The following SEMA3A variants were observed in gnomAD, a reference collection of about 807,000 sequenced individuals.
SEMA3A encodes semaphorin-3A.
A neutral mutation model predicts 97.9 loss-of-function variants in SEMA3A; 29 were observed. The ratio of observed to expected loss-of-function variants is 0.30; its 90% CI spans 0.22 to 0.40. The LOEUF (loss-of-function observed/expected upper bound fraction) is 0.40. Ranked by LOEUF, SEMA3A falls within the 10% of genes least tolerant of loss-of-function variation. The pLI is 1.00. For missense variants in SEMA3A, 763 were observed against 951.3 expected (o/e 0.80, Z 2.60); for synonymous variants, 321 against 323.7 (o/e 0.99, Z 0.09).
At chr7:84,195,985 C>T (rs769901096), upstream of SEMA3A, among the ~76,000 whole-genome samples, 9 of 152,132 alleles carry the variant, frequency 5.9e-5, no homozygotes, top group Non-Finnish European at 7.4e-5. Flanking sequence ...TCTCAATTTT[C>T]TCTCTTATTT....
At chr7:83,996,298 A>ATATTT in intron 12 of SEMA3A, among the ~76,000 whole-genome samples, 1 of 134,738 alleles carries the variant, frequency 7.4e-6, no homozygotes. Context: ...TTTACTAGTA[A>ATATTT]TCTTTTTTTT....
At chr7:84,030,105 T>A (rs1250456585) in intron 6 of SEMA3A, among the ~76,000 whole-genome samples, 1 of 152,140 alleles carries the variant, frequency 6.6e-6, no homozygotes, top group East Asian at 1.9e-4. Context: ...TACAATGCAA[T>A]TAAAAATAAC....
At chr7:83,992,498 C>T (rs199632159) in intron 12 of SEMA3A, among the ~76,000 whole-genome samples, 1 of 151,842 alleles carries the variant, frequency 6.6e-6, no homozygotes, top group East Asian at 1.9e-4. Context: ...GAATGCGTCC[C>T]AGAGATTCTG....
intron 1 of SEMA3A, among the ~76,000 whole-genome samples, chr7:84,395,194 T>G (rs1040023714): frequency 6.6e-6 from 1 of 152,132 alleles, no homozygotes; most frequent in Non-Finnish European, 1.5e-5. Flanking sequence ...TACCGTAACA[T>G]AGTTTTCACA....
chr7:84,349,115 T>C (rs1802375701), intron 2 of SEMA3A, among the ~76,000 whole-genome samples: 2 of 152,232 alleles, frequency 1.3e-5, no homozygotes, highest in Non-Finnish European at 2.9e-5. Context: ...TATTTTGTAC[T>C]TAATTTTTGA....
chr7:84,216,209 C>T (rs13234176), intron 3 of SEMA3A, among the ~76,000 whole-genome samples: 7,740 of 152,210 alleles, frequency 0.051, 200 homozygotes, highest in Middle Eastern at 0.068. Flanking sequence ...TGGGTTCAAG[C>T]GATTCTCCTG....
intron 1 of SEMA3A, among the ~76,000 whole-genome samples, chr7:84,455,185 T>C (rs1805659074): frequency 6.6e-6 from 1 of 151,994 alleles, no homozygotes; most frequent in African/African-American, 2.4e-5. Context: ...TACTCTTATT[T>C]TTCATTTTTT....
chr7:84,454,926 T>C (rs1300702033), intron 1 of SEMA3A, among the ~76,000 whole-genome samples: 2 of 151,974 alleles, frequency 1.3e-5, no homozygotes, highest in Non-Finnish European at 2.9e-5. Flanking sequence ...TATTAACAAG[T>C]AGCACCTCAA....
intron 1 of SEMA3A, among the ~76,000 whole-genome samples, chr7:84,150,596 T>C (rs1005841853): frequency 1.2e-4 from 19 of 152,104 alleles, no homozygotes; most frequent in Admixed American, 3.9e-4. Flanking sequence ...TCCTACCCTA[T>C]GGAGTCTCGC....
intron 3 of SEMA3A, among the ~76,000 whole-genome samples, chr7:84,245,172 C>T (rs934537349): frequency 6.6e-6 from 1 of 152,108 alleles, no homozygotes; most frequent in Non-Finnish European, 1.5e-5. Context: ...GGATAAATAT[C>T]CTGAAGAGTG....
At chr7:84,053,502 A>G (rs868473940) in intron 5 of SEMA3A, among the ~76,000 whole-genome samples, 1 of 120,486 alleles carries the variant, frequency 8.3e-6, no homozygotes, top group South Asian at 3.2e-4. Context: ...TTGTTGGTTT[A>G]AAGTCTGTTT....
At position 83,961,365 on chromosome 7, in the gene SEMA3A, T is replaced by C. The variant is rs954506903; in HGVS notation, c.*6A>G. 2 of 1,611,794 alleles carry C rather than the reference T, an allele frequency of 1.2e-6. No individual in the cohort carries two copies. The highest frequency in any genetic ancestry group is 2.2e-5 in the East Asian group (1 of 44,866). ...ACTTGTTTGAGGTTTCTAGAGGTAATGCAGCTCAGACACTCCTGGGTGCCC... is the reference window on the plus strand; with the variant it reads ...ACTTGTTTGAGGTTTCTAGAGGTAACGCAGCTCAGACACTCCTGGGTGCCC... On this transcript the variant is annotated 3_prime_UTR_variant, in exon 17 of 17. Coordinates refer to ENST00000265362, the MANE Select transcript of SEMA3A (RefSeq NM_006080.3).
At chr7:84,346,119 C>T (rs1367028702) in intron 2 of SEMA3A, among the ~76,000 whole-genome samples, 2 of 152,180 alleles carry the variant, frequency 1.3e-5, no homozygotes, top group African/African-American at 4.8e-5. Flanking sequence ...TTTCTGAAAC[C>T]TTGTAAACCA....
At chr7:84,056,156 C>G (rs1312377815) in intron 5 of SEMA3A, among the ~76,000 whole-genome samples, 1 of 152,190 alleles carries the variant, frequency 6.6e-6, no homozygotes, top group Non-Finnish European at 1.5e-5. Flanking sequence ...GAGGATACGA[C>G]CATTCTTTCT....
At chr7:84,210,845 T>G (rs1798608388) in intron 3 of SEMA3A, among the ~76,000 whole-genome samples, 1 of 152,180 alleles carries the variant, frequency 6.6e-6, no homozygotes, top group Non-Finnish European at 1.5e-5. Flanking sequence ...ATACAAGAAC[T>G]TCATAAAGCA....
At chr7:84,321,905 A>T (rs1338179767) in intron 2 of SEMA3A, among the ~76,000 whole-genome samples, 1 of 148,372 alleles carries the variant, frequency 6.7e-6, no homozygotes, top group African/African-American at 2.5e-5. Flanking sequence ...AAAAAGAAGA[A>T]GAAGAAGGAG....
chr7:84,205,852 G>C (rs1196270820), intron 3 of SEMA3A, among the ~76,000 whole-genome samples: 1 of 152,210 alleles, frequency 6.6e-6, no homozygotes, highest in Non-Finnish European at 1.5e-5. Context: ...TTCAATAAAT[G>C]TGGAAAGCCA....
At chr7:84,312,951 CATAT>C (rs1491472658) in intron 2 of SEMA3A, among the ~76,000 whole-genome samples, 7 of 121,288 alleles carry the variant, frequency 5.8e-5, no homozygotes, top group African/African-American at 1.4e-4. Flanking sequence ...CACGTACACA[CATAT>C]ATGTTACATA....
intron 1 of SEMA3A, among the ~76,000 whole-genome samples, chr7:84,166,564 T>A (rs1247331819): frequency 1.1e-5 from 1 of 91,990 alleles, no homozygotes. Flanking sequence ...AGAGCAAAAC[T>A]CCGTCAAAAA....
Sources: allele counts gnomAD v4.1 joint callset (sites outside exome capture counted in the v4.1 genomes callset), GRCh38; gene constraint gnomAD v4.1.1; transcripts MANE v1.5; gene names NCBI Gene and HGNC (gene_info 2026-07-23, HGNC 2026-07-21).